The following DHX32 variants were observed in gnomAD, a reference collection of about 807,000 sequenced individuals.
The protein encoded by DHX32 is putative pre-mRNA-splicing factor ATP-dependent RNA helicase DHX32.
DHX32 carries 51 observed loss-of-function variants against 70.0 expected under a neutral mutation model. That is an observed-to-expected ratio of 0.73 (90% CI 0.58 to 0.92). The LOEUF is 0.92. Ranked by LOEUF, DHX32 falls within the 40% of genes least tolerant of loss-of-function variation. DHX32 has a pLI of 0.00. For missense variants in DHX32, 762 were observed against 891.8 expected (o/e 0.85, Z 1.85); for synonymous variants, 310 against 315.3 (o/e 0.98, Z 0.18).
upstream of DHX32, chr10:125,896,457 C>A: frequency 2.7e-6 from 3 of 1,122,136 alleles, no homozygotes; most frequent in Non-Finnish European, 3.4e-6. Flanking sequence ...CTCAGTGTCC[C>A]CGGCGACGCG....
intron 1 of DHX32, among the ~76,000 whole-genome samples, chr10:125,878,983 C>G (rs1429619928): frequency 2.0e-5 from 3 of 146,638 alleles, no homozygotes; most frequent in African/African-American, 7.6e-5. Flanking sequence ...GCTGAGATTA[C>G]AGGCATGAGC....
chr10:125,867,531 T>C (rs910167698), intron 1 of DHX32, among the ~76,000 whole-genome samples: 1 of 152,008 alleles, frequency 6.6e-6, no homozygotes, highest in South Asian at 2.1e-4. Context: ...AGTCAGGAGA[T>C]CGAGACCATC....
intron 3 of DHX32, among the ~76,000 whole-genome samples, chr10:125,855,035 C>G (rs1223127012): frequency 6.6e-6 from 1 of 151,926 alleles, no homozygotes; most frequent in Non-Finnish European, 1.5e-5. Flanking sequence ...ACCATCCTGG[C>G]CAACATGGTG....
At chr10:125,896,000 G>C (rs1944497794) in intron 1 of DHX32, among the ~76,000 whole-genome samples, 3 of 152,284 alleles carry the variant, frequency 2.0e-5, no homozygotes, top group African/African-American at 7.2e-5. Flanking sequence ...GCTGCCCGCA[G>C]GGCTCCGTCC....
intron 1 of DHX32, among the ~76,000 whole-genome samples, chr10:125,879,643 C>T (rs1427476095): frequency 6.6e-6 from 1 of 152,106 alleles, no homozygotes; most frequent in Non-Finnish European, 1.5e-5. Context: ...CAAACAAACT[C>T]CTTGTTTTTT....
chr10:125,873,945 T>A (rs1179332749), intron 1 of DHX32, among the ~76,000 whole-genome samples: 1 of 152,242 alleles, frequency 6.6e-6, no homozygotes, highest in African/African-American at 2.4e-5. Flanking sequence ...TCTTTTCATA[T>A]CTTTTTCACC....
In DHX32 at chr10:125,872,851, G is replaced by A. The variant is rs1432391093; in HGVS notation, c.283-5668C>T. ...CCTGAAAGGAAATCACCAACACTCT[G>A]GCCAATCTGCTGCTATGAGAGTAGG... On this transcript the variant is annotated intron_variant, in intron 1 of 10. Transcript: ENST00000284690. Among the ~76,000 whole-genome samples the A allele has an allele frequency of 2.6e-5, 4 of 152,150 alleles. No individual in the cohort carries two copies. The East Asian group carries it at 7.7e-4, about 29-fold the overall frequency.
Position 125,841,011 on chromosome 10 carries a change from A to G in DHX32, c.1544-15T>C. 6.3e-7 allele frequency: 1 copy of G among 1,591,302 alleles called. No individual in the cohort carries two copies. The highest frequency in any genetic ancestry group is 8.6e-7 in the Non-Finnish European group (1 of 1,164,242). ...GCAATTTGGAGCTTCAAAATGAAAA[A>G]GGTCACATGGTTAGCAATAATGAAG... On this transcript the variant is annotated splice_polypyrimidine_tract_variant and intron_variant, in intron 7 of 10. Coordinates refer to ENST00000284690, the MANE Select transcript of DHX32 (RefSeq NM_018180.3).
At position 125,859,875 on chromosome 10, in the gene DHX32, C is replaced by T. The variant is rs538154946; in HGVS notation, c.577G>A (p.Ala193Thr). 5 of 1,614,026 alleles carry T rather than the reference C, an allele frequency of 3.1e-6. No homozygotes were observed. In the South Asian group the frequency reaches 5.5e-5, roughly 18 times the overall value. Reference protein sequence around the residue: ...ILDDIHERSIATDVLLGLLKD... With the variant: ...ILDDIHERSITTDVLLGLLKD... ...AGAAGTCCAAGTAACACATCAGTTGCAATGCTTCTTTCATGAATATCATCT... is the reference window on the plus strand; with the variant it reads ...AGAAGTCCAAGTAACACATCAGTTGTAATGCTTCTTTCATGAATATCATCT... Residue 193 changes from alanine to threonine, a missense_variant, in exon 3 of 11, where the codon GCA becomes ACA. By Grantham distance (58) the Ala-to-Thr change is moderately conservative (BLOSUM62 0). Coordinates refer to ENST00000284690, the MANE Select transcript of DHX32 (RefSeq NM_018180.3).
chr10:125,896,356 G>A (rs530307585), exon 1 of DHX32: 99 of 392,204 alleles, frequency 2.5e-4, no homozygotes, highest in African/African-American at 2.0e-3. Flanking sequence ...CACAGGTCCT[G>A]CGGGGCCGCG....
chr10:125,860,392 A>C (rs576325543), intron 2 of DHX32, among the ~76,000 whole-genome samples: 1 of 152,346 alleles, frequency 6.6e-6, no homozygotes, highest in South Asian at 2.1e-4. Flanking sequence ...TACACTTTTC[A>C]AGGAAAGGAT....
At chr10:125,861,322 C>G (rs1944186899) in intron 2 of DHX32, among the ~76,000 whole-genome samples, 1 of 151,834 alleles carries the variant, frequency 6.6e-6, no homozygotes, top group African/African-American at 2.4e-5. Flanking sequence ...GCGGTGAAAC[C>G]CCGTCTCTAC....
intron 3 of DHX32, among the ~76,000 whole-genome samples, chr10:125,855,583 G>T (rs1944140414): frequency 1.3e-5 from 2 of 151,602 alleles, no homozygotes; most frequent in African/African-American, 4.8e-5. Flanking sequence ...CGAGTAGCTG[G>T]GACTACAGGT....
chr10:125,843,366 T>C (rs921662848), intron 6 of DHX32, among the ~76,000 whole-genome samples: 1 of 152,140 alleles, frequency 6.6e-6, no homozygotes, highest in African/African-American at 2.4e-5. Flanking sequence ...AAAACCTCAC[T>C]TTGGGAGGCC....
Position 125,889,044 on chromosome 10 carries a change from G to C in DHX32, c.-248+7174C>G, listed in dbSNP as rs79013916. Among the ~76,000 whole-genome samples the C allele has an allele frequency of 2.6e-5, 4 of 151,908 alleles. No homozygotes were observed. The East Asian group carries it at 7.7e-4, about 29-fold the overall frequency. The stretch of plus-strand genomic sequence containing the variant: ...ACTGCACTCCAACCTGGGCATCAGA[G>C]TAAGACTCCGTTTCCAAAAAAATAA... On this transcript the variant is annotated intron_variant, in intron 1 of 2. Transcript: ENST00000415732.
rs1854685351 is a variant in DHX32, at chr10:125,836,379, CA to C, written c.*307del. ...ACTTTATTCAGATTAAGTTCCTCTA[CA>C]AAAAGTAGGGTTCTGTCCCATGTGT... On this transcript the variant is annotated 3_prime_UTR_variant, in exon 11 of 11. Coordinates refer to ENST00000284690, the MANE Select transcript of DHX32 (RefSeq NM_018180.3). 1.9e-6 allele frequency: 3 copies of C among 1,561,242 alleles called. No individual in the cohort carries two copies. Among genetic ancestry groups the C allele is most frequent in the Non-Finnish European group, 2.6e-6 (3 of 1,156,958 alleles).
intron 2 of DHX32, among the ~76,000 whole-genome samples, chr10:125,862,465 G>T (rs763664496): frequency 4.6e-5 from 7 of 151,126 alleles, no homozygotes; most frequent in Non-Finnish European, 1.0e-4. Context: ...GCTAATTAGA[G>T]ATTTAATTTC....
At chr10:125,850,846 C>T (rs1263072917) in intron 6 of DHX32, among the ~76,000 whole-genome samples, 1 of 152,150 alleles carries the variant, frequency 6.6e-6, no homozygotes, top group African/African-American at 2.4e-5. Flanking sequence ...CTGGTGTAGT[C>T]TGGTACCTTT....
At chr10:125,845,864 G>A (rs1266032383) in intron 6 of DHX32, among the ~76,000 whole-genome samples, 2 of 152,220 alleles carry the variant, frequency 1.3e-5, no homozygotes, top group Admixed American at 6.5e-5. Flanking sequence ...GCTTAGCTGT[G>A]CCTGAAGACC....
Sources: gnomAD v4.1 joint callset for allele counts (sites outside exome capture counted in the v4.1 genomes callset) on GRCh38, gnomAD v4.1.1 for gene constraint, MANE v1.5 for transcripts, NCBI Gene and HGNC (gene_info 2026-07-23, HGNC 2026-07-21) for gene names.